The following FRMPD1 variants were observed in gnomAD, a reference collection of about 807,000 sequenced individuals.
FRMPD1 encodes the protein FERM and PDZ domain-containing protein 1.
Under a neutral mutation model 117.8 loss-of-function variants are expected in FRMPD1, and 76 were observed. The observed-to-expected ratio is 0.65, with a 90% confidence interval of 0.54 to 0.78. The LOEUF (loss-of-function observed/expected upper bound fraction) is 0.78, where lower values mean the gene tolerates loss of function less well. FRMPD1 is among the 30% of genes least tolerant of loss of function. The probability of loss-of-function intolerance (pLI) is 0.00; values close to 1 mark genes in which losing one functional copy is unlikely to be tolerated. For synonymous variants in FRMPD1, 783 were observed against 770.4 expected, an observed-to-expected ratio of 1.02 and a Z score of -0.27; for missense variants, 1,786 against 1,964.5, an observed-to-expected ratio of 0.91 and a Z score of 1.72.
At chr9:37,674,558 T>G (rs750965839) in intron 1 of FRMPD1, among the ~76,000 whole-genome samples, 3 of 152,160 alleles carry the variant, frequency 2.0e-5, no homozygotes, top group Non-Finnish European at 4.4e-5. Flanking sequence ...TGGTACCAAT[T>G]TACTGTATTA....
At chr9:37,724,155 C>CAG in intron 6 of FRMPD1, 70 bp from the exon 7 acceptor site, 1 of 783,146 alleles carries the variant, frequency 1.3e-6, no homozygotes, top group Non-Finnish European at 2.2e-6. Flanking sequence ...GCCTGGGTGA[C>CAG]AGAGAGAGAC....
chr9:37,728,540 A>G (rs934353244), intron 7 of FRMPD1, among the ~76,000 whole-genome samples: 18 of 152,138 alleles, frequency 1.2e-4, no homozygotes, highest in Non-Finnish European at 2.5e-4. Flanking sequence ...CTAGTGAGCA[A>G]GAAGAGTGTG....
intron 3 of FRMPD1, 68 bp downstream of exon 3, chr9:37,707,641 G>C: frequency 7.8e-7 from 1 of 1,280,480 alleles, no homozygotes; most frequent in South Asian, 1.3e-5. Context: ...AAATCTCCCC[G>C]ATCTCTCTAT....
intron 1 of FRMPD1, among the ~76,000 whole-genome samples, chr9:37,667,691 G>GAAAAAA (rs3075983): frequency 4.8e-5 from 7 of 144,794 alleles, no homozygotes; most frequent in Non-Finnish European, 7.6e-5. Context: ...CTCAAAAAAA[G>GAAAAAA]AAAAAAAAAA....
At chr9:37,632,948 A>C in the FRMPD1 span, among the ~76,000 whole-genome samples, 1 of 147,606 alleles carries the variant, frequency 6.8e-6, no homozygotes, top group African/African-American at 2.4e-5. Flanking sequence ...TATATATAAA[A>C]ATATATACAT....
chr9:37,706,490 A>G (rs943947276), intron 2 of FRMPD1, among the ~76,000 whole-genome samples: 4 of 152,200 alleles, frequency 2.6e-5, no homozygotes, highest in African/African-American at 9.6e-5. Flanking sequence ...CATAATGACA[A>G]TAAACACCTC....
At chr9:37,658,844 G>A (rs1351906637) in intron 1 of FRMPD1, among the ~76,000 whole-genome samples, 1 of 152,048 alleles carries the variant, frequency 6.6e-6, no homozygotes, top group Non-Finnish European at 1.5e-5. Flanking sequence ...ACAGGTTCCT[G>A]GGATTGGGAC....
chr9:37,715,770 A>G, intron 5 of FRMPD1: 1 of 453,050 alleles, frequency 2.2e-6, no homozygotes, highest in Non-Finnish European at 4.4e-6. Context: ...CGGGAGCCAC[A>G]GTGGGGCCTG....
At chr9:37,670,277 G>A (rs1001412104) in intron 1 of FRMPD1, among the ~76,000 whole-genome samples, 1 of 152,132 alleles carries the variant, frequency 6.6e-6, no homozygotes, top group Non-Finnish European at 1.5e-5. Context: ...TTATCAGGAG[G>A]TAGAGAACAT....
chr9:37,649,874 A>G (rs75706894), upstream of FRMPD1, among the ~76,000 whole-genome samples: 6,082 of 152,002 alleles, frequency 0.04, 428 homozygotes, highest in African/African-American at 0.14. Context: ...GATCTCTCTC[A>G]TCTTGGGGTC....
Position 37,740,623 on chromosome 9 carries a change from T to A in FRMPD1, c.2095T>A (p.Tyr699Asn). 2 of 1,614,102 alleles carry A rather than the reference T, an allele frequency of 1.2e-6. No individual in the cohort carries two copies. Among genetic ancestry groups the A allele is most frequent in the Non-Finnish European group, 1.7e-6 (2 of 1,179,978 alleles). ...CACAGTCAGGCTGGACCCCAGGCTG[T>A]ATGAAGGCAGCCACGCTGACTACTA... ...LSTVRLDPRL[Y>N]EGSHADYYSL... Residue 699 changes from tyrosine to asparagine, a missense_variant, in exon 15 of 16, where the codon TAT becomes AAT. Tyr to Asn is a moderately radical substitution (Grantham distance 143, BLOSUM62 -2). Coordinates refer to ENST00000377765, the MANE Select transcript of FRMPD1 (RefSeq NM_014907.3). This position sits in a 1 kb window ranked among gnomAD's most constrained non-coding sequence, Gnocchi z 4.2.
upstream of FRMPD1, among the ~76,000 whole-genome samples, chr9:37,646,333 A>C (rs2119336790): frequency 6.6e-6 from 1 of 152,326 alleles, no homozygotes. Flanking sequence ...GACTGAATGA[A>C]TGAATAACCA....
chr9:37,639,632 C>A, the FRMPD1 span, among the ~76,000 whole-genome samples: 58 of 152,306 alleles, frequency 3.8e-4, no homozygotes, highest in African/African-American at 1.4e-3. Context: ...ATTTTATGAG[C>A]ACTTACTAAG....
the FRMPD1 span, among the ~76,000 whole-genome samples, chr9:37,615,264 T>C: frequency 7.9e-5 from 12 of 152,184 alleles, no homozygotes; most frequent in Admixed American, 7.2e-4. Flanking sequence ...AGGCATACCA[T>C]GCCTGGCTAA....
chr9:37,725,343 T>C (rs1430048565), intron 7 of FRMPD1, among the ~76,000 whole-genome samples: 1 of 152,230 alleles, frequency 6.6e-6, no homozygotes, highest in Admixed American at 6.5e-5. Context: ...CCAGCTCTTC[T>C]GGTACAAGGG....
intron 7 of FRMPD1, 115 bp downstream of exon 7, chr9:37,724,435 G>A (rs191290535): frequency 2.5e-4 from 144 of 575,230 alleles, no homozygotes; most frequent in African/African-American, 2.4e-3. Context: ...CGTGGTCTGA[G>A]CCCCTGTAAT....
chr9:37,726,830 G>A (rs1025636435), intron 7 of FRMPD1, among the ~76,000 whole-genome samples: 6 of 152,196 alleles, frequency 3.9e-5, no homozygotes, highest in African/African-American at 1.4e-4. Context: ...CGAGGTACCG[G>A]TGTGCTTAAG....
chr9:37,687,303 C>T (rs1821984808), intron 1 of FRMPD1, among the ~76,000 whole-genome samples: 1 of 152,214 alleles, frequency 6.6e-6, no homozygotes, highest in African/African-American at 2.4e-5. Flanking sequence ...CATGGTGGCC[C>T]TTAGGCTCTT....
intron 2 of FRMPD1, among the ~76,000 whole-genome samples, chr9:37,695,984 A>T (rs1588935764): frequency 7.3e-6 from 1 of 136,088 alleles, no homozygotes; most frequent in Non-Finnish European, 1.6e-5. Flanking sequence ...ACAATCTCTC[A>T]CCAGCCCAAC....
Sources: allele counts gnomAD v4.1 joint callset (sites outside exome capture counted in the v4.1 genomes callset), GRCh38; gene constraint gnomAD v4.1.1; non-coding constraint Gnocchi (gnomAD v3.1); transcripts MANE v1.5; gene names NCBI Gene and HGNC (gene_info 2026-07-23, HGNC 2026-07-21).